Variants in RXFP1 observed in about 807,000 individuals in gnomAD.
RXFP1 encodes the protein relaxin family peptide receptor 1.
In RXFP1, 73 loss-of-function variants were observed where a neutral mutation model predicts 89.8. The ratio of observed to expected loss-of-function variants is 0.81; its 90% confidence interval spans 0.67 to 0.99. The LOEUF is 0.99. Among genes scored for constraint, RXFP1 ranks in the 50% least tolerant of loss-of-function variants. The pLI, the probability that RXFP1 is intolerant of heterozygous loss-of-function variation, is 0.00. For missense variants in RXFP1, 793 were observed against 895.5 expected (o/e 0.89, Z 1.46); for synonymous variants, 277 against 305.5 (o/e 0.91, Z 0.97).
rs1773037440 is a variant in RXFP1 at position 158,653,324 on chromosome 4, G to C, written c.*1269G>C. 1 of 152,174 alleles carries C rather than the reference G, an allele frequency of 6.6e-6. No homozygotes were observed. The highest frequency in any genetic ancestry group is 6.5e-5 in the Admixed American group (1 of 15,280). 9.4% of individuals were successfully genotyped at this position (152,174 alleles called of 1,614,324 possible). Reference sequence around the variant, plus strand: ...TAATGCACTTATTGAATATATAGTTGTATAGATTTGTTCTGAAAATAAATT... The same window carrying C: ...TAATGCACTTATTGAATATATAGTTCTATAGATTTGTTCTGAAAATAAATT... On this transcript the variant is annotated 3_prime_UTR_variant, in exon 18 of 18. Coordinates refer to ENST00000307765, the MANE Select transcript of RXFP1 (RefSeq NM_021634.4).
At chr4:158,548,798 T>C (rs1038225443) in intron 1 of RXFP1, among the ~76,000 whole-genome samples, 3 of 152,256 alleles carry the variant, frequency 2.0e-5, no homozygotes, top group Admixed American at 6.5e-5. Context: ...TTCTGGCTTG[T>C]AGAGTTTCTG....
intron 1 of RXFP1, among the ~76,000 whole-genome samples, chr4:158,567,780 T>A (rs1753935500): frequency 2.0e-5 from 3 of 152,148 alleles, no homozygotes; most frequent in Non-Finnish European, 4.4e-5. Context: ...CAGCTCTCTG[T>A]AAAACAGACC....
At chr4:158,535,230 G>A (rs1745028074) in intron 1 of RXFP1, among the ~76,000 whole-genome samples, 1 of 152,090 alleles carries the variant, frequency 6.6e-6, no homozygotes, top group African/African-American at 2.4e-5. Flanking sequence ...TTTAAGAGGA[G>A]GGCTGAAGCA....
At position 158,612,301 on chromosome 4, in the gene RXFP1, G is replaced by T. The variant is rs770837154; in HGVS notation, c.619G>T (p.Asp207Tyr). ...LHRLEWLIIE[D>Y]NHLSRISPPT... ...TCTTCTGGCTGTCAGGATAATTGAA[G>T]ATAATCACCTCAGTCGAATTTCCCC... The change falls in exon 8 of 18, where the codon GAT (aspartate) becomes TAT (tyrosine). Residue 207 changes from aspartate (D) to tyrosine (Y), a missense_variant. Transcript: ENST00000307765. 1 of 1,612,024 alleles carries T rather than the reference G, an allele frequency of 6.2e-7. No homozygotes were observed. The highest frequency in any genetic ancestry group is 8.5e-7 in the Non-Finnish European group (1 of 1,178,962).
chr4:158,560,099 C>A (rs1054496397), intron 1 of RXFP1, among the ~76,000 whole-genome samples: 1 of 152,196 alleles, frequency 6.6e-6, no homozygotes, highest in Non-Finnish European at 1.5e-5. Flanking sequence ...CAGGTAGCTG[C>A]AGGTAATGAA....
intron 1 of RXFP1, among the ~76,000 whole-genome samples, chr4:158,527,559 A>AT (rs1249707086): frequency 3.0e-5 from 3 of 99,574 alleles, no homozygotes; most frequent in African/African-American, 1.0e-4. Flanking sequence ...CTCCAAAAAA[A>AT]AAAAAATATA....
chr4:158,534,063 G>A lies in RXFP1; in HGVS notation c.49+12038G>A, dbSNP rs73860515. Among the ~76,000 whole-genome samples the A allele has an allele frequency of 4.1e-3, 622 of 152,184 alleles. 7 individuals carry two copies. Among genetic ancestry groups the A allele is most frequent in the African/African-American group, 0.014 (595 of 41,512 alleles). ...GAAGGAGTAAGGAATAGTCTCACATGACAATCTTACCCCCTAGAAACTACT... is the reference window on the plus strand; with the variant it reads ...GAAGGAGTAAGGAATAGTCTCACATAACAATCTTACCCCCTAGAAACTACT... On this transcript the variant is annotated intron_variant, in intron 1 of 17. Coordinates refer to ENST00000307765, the MANE Select transcript of RXFP1 (RefSeq NM_021634.4).
intron 1 of RXFP1, among the ~76,000 whole-genome samples, chr4:158,537,240 T>C (rs1333614758): frequency 1.3e-5 from 2 of 152,196 alleles, no homozygotes; most frequent in Non-Finnish European, 2.9e-5. Flanking sequence ...CTGTGTTTAC[T>C]GGTGAGCTAG....
rs768353943 is a variant in RXFP1, at chr4:158,646,798, C to G, written c.1353C>G (p.Asp451Glu). ...AMSIISLCCA[D>E]CLMGIYLFVI... Reference sequence around the variant, plus strand: ...AAACTATGACTCCTCTAGGTGCCGACTGCTTAATGGGAATATATTTATTCG... The same window carrying G: ...AAACTATGACTCCTCTAGGTGCCGAGTGCTTAATGGGAATATATTTATTCG... The change falls in exon 16 of 18, where the codon GAC becomes GAG. Residue 451 changes from aspartate to glutamate, a missense_variant. Transcript: ENST00000307765. 26 of 1,598,230 alleles carry G rather than the reference C, an allele frequency of 1.6e-5. No individual in the cohort carries two copies. Among genetic ancestry groups the G allele is most frequent in the Non-Finnish European group, 2.2e-5 (26 of 1,169,896 alleles).
At chr4:158,633,174 A>T (rs1437773794) in intron 11 of RXFP1, among the ~76,000 whole-genome samples, 1 of 152,156 alleles carries the variant, frequency 6.6e-6, no homozygotes, top group African/African-American at 2.4e-5. Flanking sequence ...GGTCTCAAAA[A>T]AAAAAGATCA....
At chr4:158,599,896 A>G (rs888135995) in intron 4 of RXFP1, among the ~76,000 whole-genome samples, 2 of 152,224 alleles carry the variant, frequency 1.3e-5, no homozygotes, top group Non-Finnish European at 2.9e-5. Context: ...AAAACGTCAT[A>G]TTTAAAATCT....
At chr4:158,580,787 G>A (rs568602255) in intron 2 of RXFP1, among the ~76,000 whole-genome samples, 40 of 152,190 alleles carry the variant, frequency 2.6e-4, no homozygotes, top group African/African-American at 9.1e-4. Flanking sequence ...GTTTGTCTAT[G>A]CATGACTACT....
chr4:158,610,780 T>C (rs1002017804), intron 6 of RXFP1: 13 of 1,118,874 alleles, frequency 1.2e-5, no homozygotes, highest in Non-Finnish European at 1.5e-5. Context: ...TTCTTACCCC[T>C]TACTGTGCCC....
chr4:158,616,049 C>T (rs927026858), intron 8 of RXFP1, among the ~76,000 whole-genome samples: 1 of 152,226 alleles, frequency 6.6e-6, no homozygotes, highest in African/African-American at 2.4e-5. Flanking sequence ...CATTCATAGA[C>T]TTGCTCAATG....
At chr4:158,595,477 T>C (rs963569518) in intron 3 of RXFP1, among the ~76,000 whole-genome samples, 7 of 152,212 alleles carry the variant, frequency 4.6e-5, no homozygotes, top group Non-Finnish European at 8.8e-5. Flanking sequence ...GAATAGGTAA[T>C]GGCCACATAT....
chr4:158,544,111 T>A, intron 1 of RXFP1: 2 of 980,562 alleles, frequency 2.0e-6, no homozygotes, highest in Non-Finnish European at 2.4e-6. Flanking sequence ...TTTTATTTTT[T>A]TAATTTACTT....
chr4:158,617,129 A>G lies in RXFP1; in HGVS notation c.681-2A>G. On this transcript the variant is annotated splice_acceptor_variant, in intron 8 of 17. Coordinates refer to ENST00000307765, the MANE Select transcript of RXFP1 (RefSeq NM_021634.4). LOFTEE classifies it high-confidence loss of function. ...TGACTTGTTTGTCTTTTCCTTTTTC[A>G]GAGTCCTGATGAATAACGTCCTCAC... The G allele has an allele frequency of 6.3e-7, 1 of 1,596,264 alleles. No homozygotes were observed. The highest frequency in any genetic ancestry group is 8.5e-7 in the Non-Finnish European group (1 of 1,170,160).
intron 17 of RXFP1, among the ~76,000 whole-genome samples, chr4:158,650,535 G>A (rs754659797): frequency 1.1e-4 from 16 of 151,862 alleles, no homozygotes; most frequent in Non-Finnish European, 2.4e-4. Context: ...TTGGGAGGCT[G>A]AGGTGGGCAG....
intron 1 of RXFP1, among the ~76,000 whole-genome samples, chr4:158,546,791 G>A (rs964928716): frequency 1.3e-4 from 20 of 151,856 alleles, no homozygotes; most frequent in African/African-American, 4.6e-4. Context: ...GCATCCCAGG[G>A]ATGAAGCCCA....
Sources: allele counts gnomAD v4.1 joint callset (sites outside exome capture counted in the v4.1 genomes callset), GRCh38; gene constraint gnomAD v4.1.1; transcripts MANE v1.5; gene names NCBI Gene and HGNC (gene_info 2026-07-23, HGNC 2026-07-21).